Variants in PTPDC1 observed in about 807,000 individuals in gnomAD.
PTPDC1 encodes the protein protein tyrosine phosphatase domain containing 1.
In PTPDC1, 53 loss-of-function variants were observed where a neutral mutation model predicts 75.3. That is an observed-to-expected ratio of 0.70 (90% CI 0.56 to 0.88). The LOEUF (loss-of-function observed/expected upper bound fraction) is 0.88, where lower values mean the gene tolerates loss of function less well. Ranked by LOEUF, PTPDC1 falls within the 40% of genes least tolerant of loss-of-function variation. The probability of loss-of-function intolerance (pLI) is 0.00; values close to 1 mark genes in which losing one functional copy is unlikely to be tolerated. For missense variants in PTPDC1, 925 were observed against 998.6 expected, an observed-to-expected ratio of 0.93 and a Z score of 0.99; for synonymous variants, 349 against 366.2, an observed-to-expected ratio of 0.95 and a Z score of 0.54.
Position 94,043,337 on chromosome 9 carries a change from A to G in PTPDC1, c.-7+12210A>G, listed in dbSNP as rs1043983372. Among the ~76,000 whole-genome samples, 3 of 152,142 alleles carry G rather than the reference A, an allele frequency of 2.0e-5. No individual in the cohort carries two copies. The East Asian group carries it at 5.8e-4, about 29-fold the overall frequency. On this transcript the variant is annotated intron_variant, in intron 1 of 9. Coordinates refer to the PTPDC1 transcript ENST00000375360. ...CCCTATACTGAGCATCTTTTCATAT[A>G]CTTAGTTACTATCTACATGTTTTCA...
intron 2 of PTPDC1, among the ~76,000 whole-genome samples, chr9:94,073,856 A>G (rs1337134656): frequency 6.6e-6 from 1 of 152,102 alleles, no homozygotes; most frequent in Non-Finnish European, 1.5e-5. Context: ...TGATTTATTT[A>G]TAAGTTTGAC....
At chr9:94,094,462 A>T (rs535310082) in intron 4 of PTPDC1, among the ~76,000 whole-genome samples, 51 of 152,254 alleles carry the variant, frequency 3.3e-4, no homozygotes, top group African/African-American at 1.2e-3. Context: ...GTGCTGGGAG[A>T]ACCACAGCTC....
At chr9:94,064,439 A>G (rs577508873) in intron 1 of PTPDC1, among the ~76,000 whole-genome samples, 4 of 152,362 alleles carry the variant, frequency 2.6e-5, no homozygotes, top group Admixed American at 2.0e-4. Flanking sequence ...ACTTTTCTCA[A>G]TGGAAACTGT....
At chr9:94,103,562 AATG>A (rs1436929301) in intron 7 of PTPDC1, among the ~76,000 whole-genome samples, 1 of 152,214 alleles carries the variant, frequency 6.6e-6, no homozygotes, top group African/African-American at 2.4e-5. Context: ...GCGTCATTGT[AATG>A]ATAATTTGTG....
intron 6 of PTPDC1, among the ~76,000 whole-genome samples, chr9:94,099,671 C>A (rs2118075764): frequency 6.6e-6 from 1 of 152,334 alleles, no homozygotes; most frequent in Admixed American, 6.5e-5. Context: ...CTGCTCCAAA[C>A]TGAAAAAGTC....
In PTPDC1 at chr9:94,097,595, C is replaced by G; in HGVS notation, c.1029C>G (p.Ile343Met). ...ARLLKHVPKIIHLVCKLLLDL... is the reference protein window; with the variant it reads ...ARLLKHVPKIMHLVCKLLLDL... ...TTCTGAAACACGTGCCAAAAATTAT[C>G]CACCTAGTTTGCAAATTGCTGCTGG... The change falls in exon 6 of 9, where the codon ATC (isoleucine) becomes ATG (methionine). Residue 343 changes from isoleucine (I) to methionine (M), a missense_variant. By Grantham distance (10) the Ile-to-Met change is conservative. Transcript: ENST00000620992. The G allele has an allele frequency of 6.2e-7, 1 of 1,613,978 alleles. No individual in the cohort carries two copies. The highest frequency in any genetic ancestry group is 8.5e-7 in the Non-Finnish European group (1 of 1,180,040).
chr9:94,085,138 A>G (rs1315487862), intron 1 of PTPDC1, 113 bp from the exon 2 acceptor site: 1 of 890,768 alleles, frequency 1.1e-6, no homozygotes, highest in African/African-American at 1.7e-5. Context: ...GATGAAGGTG[A>G]TTTTGCACTG....
At chr9:94,072,270 T>G (rs1826536544) in intron 2 of PTPDC1, among the ~76,000 whole-genome samples, 1 of 152,222 alleles carries the variant, frequency 6.6e-6, no homozygotes. Context: ...CCTTGCAAAG[T>G]GCTGGGATTA....
At chr9:94,078,322 A>G (rs573715131) in intron 2 of PTPDC1, among the ~76,000 whole-genome samples, 30 of 152,316 alleles carry the variant, frequency 2.0e-4, no homozygotes, top group African/African-American at 7.0e-4. Context: ...AGCACTTTGA[A>G]TATGTCGTTC....
intron 1 of PTPDC1, among the ~76,000 whole-genome samples, chr9:94,056,936 C>T (rs1419652923): frequency 6.6e-6 from 1 of 152,034 alleles, no homozygotes; most frequent in Non-Finnish European, 1.5e-5. Flanking sequence ...TCATTGACAA[C>T]AGGAAATAGA....
intron 2 of PTPDC1, among the ~76,000 whole-genome samples, chr9:94,066,786 G>A (rs568310911): frequency 8.1e-4 from 123 of 151,796 alleles, no homozygotes; most frequent in Non-Finnish European, 1.5e-3. Context: ...TTGAACTCCT[G>A]ACCTCAAATG....
At chr9:94,073,203 G>T (rs1826574287) in intron 2 of PTPDC1, among the ~76,000 whole-genome samples, 1 of 152,140 alleles carries the variant, frequency 6.6e-6, no homozygotes, top group South Asian at 2.1e-4. Context: ...AATTTTTATA[G>T]AACTGTTCAG....
chr9:94,037,173 AG>A (rs1403767586), intron 1 of PTPDC1, among the ~76,000 whole-genome samples: 1 of 152,204 alleles, frequency 6.6e-6, no homozygotes, highest in Non-Finnish European at 1.5e-5. Flanking sequence ...TTCAACTCTT[AG>A]GTGGAAAAGA....
chr9:94,103,536 T>C (rs550811053), intron 7 of PTPDC1, among the ~76,000 whole-genome samples: 9 of 152,310 alleles, frequency 5.9e-5, no homozygotes, highest in Admixed American at 5.9e-4. Flanking sequence ...TTGCTTCAGG[T>C]TTTTTACTTT....
intron 4 of PTPDC1, among the ~76,000 whole-genome samples, chr9:94,089,221 C>G: frequency 9.0e-6 from 1 of 111,350 alleles, no homozygotes; most frequent in Non-Finnish European, 1.8e-5. Context: ...CAATGCTATC[C>G]CTCCCCCCTC....
At chr9:94,105,342 C>T (rs971709721) in intron 8 of PTPDC1, among the ~76,000 whole-genome samples, 2 of 152,224 alleles carry the variant, frequency 1.3e-5, no homozygotes, top group African/African-American at 4.8e-5. Flanking sequence ...AGAGGCTACC[C>T]ACCATGTGAA....
chr9:94,074,888 G>A (rs1478694490), intron 2 of PTPDC1, among the ~76,000 whole-genome samples: 2 of 152,206 alleles, frequency 1.3e-5, no homozygotes, highest in African/African-American at 4.8e-5. Flanking sequence ...GGAAAGTAGA[G>A]TGTTTACAGG....
intron 1 of PTPDC1, among the ~76,000 whole-genome samples, chr9:94,050,681 G>A (rs1211297895): frequency 6.6e-6 from 1 of 152,226 alleles, no homozygotes; most frequent in Non-Finnish European, 1.5e-5. Context: ...TGAGGAGGCA[G>A]TCTGTCCGTT....
chr9:94,050,652 C>T (rs1825760854), intron 1 of PTPDC1, among the ~76,000 whole-genome samples: 1 of 152,206 alleles, frequency 6.6e-6, no homozygotes, highest in Admixed American at 6.5e-5. Flanking sequence ...TTAGGCTACT[C>T]AGGGGTCAGG....
Sources: gnomAD v4.1 joint callset for allele counts (sites outside exome capture counted in the v4.1 genomes callset) on GRCh38, gnomAD v4.1.1 for gene constraint, MANE v1.5 for transcripts, NCBI Gene and HGNC (gene_info 2026-07-23, HGNC 2026-07-21) for gene names.